UNC13B: variants seen among roughly 807,000 people sequenced by gnomAD.
The protein encoded by UNC13B is unc-13 homolog B, also known as protein unc-13 homolog B.
Under a neutral mutation model 211.0 loss-of-function variants are expected in UNC13B, and 144 were observed. That is an observed-to-expected ratio of 0.68 (90% CI 0.60 to 0.78). The LOEUF (loss-of-function observed/expected upper bound fraction) is 0.78. UNC13B is among the 30% of genes least tolerant of loss of function. The pLI is 0.00. For synonymous variants in UNC13B, 709 were observed against 725.8 expected (o/e 0.98, Z 0.37); for missense variants, 1,777 against 2,002.0 (o/e 0.89, Z 2.14).
intron 24 of UNC13B, among the ~76,000 whole-genome samples, chr9:35,387,433 G>C (rs368410074): frequency 2.6e-5 from 4 of 152,074 alleles, no homozygotes; most frequent in South Asian, 2.1e-4. Flanking sequence ...TGTATTTAAG[G>C]CTTCTTCCTT....
chr9:35,333,876 C>G (rs1233073332), intron 11 of UNC13B, among the ~76,000 whole-genome samples: 2 of 152,148 alleles, frequency 1.3e-5, no homozygotes, highest in Non-Finnish European at 1.5e-5. Context: ...ATGCTGGAGG[C>G]AGGAGCTCTG....
chr9:35,244,026 T>C (rs557990882), intron 6 of UNC13B, among the ~76,000 whole-genome samples: 2 of 152,216 alleles, frequency 1.3e-5, no homozygotes, highest in South Asian at 4.1e-4. Flanking sequence ...TAGGGAGCTG[T>C]AGGCATAGAG....
At position 35,223,328 on chromosome 9, in the gene UNC13B, T is replaced by C. The variant is rs1228980365; in HGVS notation, c.23-4687T>C. On this transcript the variant is annotated intron_variant, in intron 1 of 39. Coordinates refer to ENST00000635942, the MANE Select transcript of UNC13B (RefSeq NM_001371189.2). ...TCCTGTCCACAGTGTATATGAGTTC[T>C]CTTTTCTCTCCATCCAGGCCAGCAT... Among the ~76,000 whole-genome samples the C allele has an allele frequency of 7.2e-5, 11 of 152,206 alleles. 1 individual carries two copies. Among genetic ancestry groups the C allele is most frequent in the Admixed American group, 7.2e-4 (11 of 15,282 alleles).
chr9:35,303,219 C>G lies in UNC13B; in HGVS notation c.3815C>G (p.Ser1272Cys). 1 of 398,554 alleles carries G rather than the reference C, an allele frequency of 2.5e-6. No individual in the cohort carries two copies. The allele number at this position is 398,554 out of a possible 1,614,324, so 24.7% of individuals were successfully genotyped here. The change falls in exon 9 of 40, where the codon TCC becomes TGC. Residue 1272 changes from serine to cysteine, a missense_variant. Ser to Cys is a moderately radical substitution (Grantham distance 112). Transcript: ENST00000635942. ...GCTGGGGATGATAATCATTATTGTT[C>G]CCCTACAGAGAAAAACCAGCAAAGT... ...SDAGDDNHYC[S>C]PTEKNQQSEK...
At chr9:35,351,740 G>A (rs999010823) in intron 11 of UNC13B, 13 of 1,232,144 alleles carry the variant, frequency 1.1e-5, no homozygotes, top group Non-Finnish European at 1.2e-5. Flanking sequence ...TGGGGACCTG[G>A]CCCAGCTTTG....
rs375685578 is a variant in UNC13B at position 35,375,167 on chromosome 9, T to C, written c.9581T>C (p.Met3194Thr). The C allele has an allele frequency of 3.8e-5, 62 of 1,614,070 alleles. No homozygotes were observed. The highest frequency in any genetic ancestry group is 4.9e-5 in the Non-Finnish European group (58 of 1,180,000). Residue 3194 changes from methionine to threonine, a missense_variant, in exon 14 of 40, where the codon ATG (methionine) becomes ACG (threonine). Transcript: ENST00000635942. ...CGGAAGGCAGGAATCACTTCTGCAATGGCTACACGCACTTCTCTTAAGGAC... is the reference window on the plus strand; with the variant it reads ...CGGAAGGCAGGAATCACTTCTGCAACGGCTACACGCACTTCTCTTAAGGAC... ...QSRKAGITSA[M>T]ATRTSLKDEE...
intron 11 of UNC13B, among the ~76,000 whole-genome samples, chr9:35,348,655 G>A (rs542420062): frequency 6.6e-6 from 1 of 152,322 alleles, no homozygotes; most frequent in South Asian, 2.1e-4. Flanking sequence ...TGCCACATCA[G>A]TAGCAATAAC....
chr9:35,187,025 G>T (rs889746266), intron 1 of UNC13B, among the ~76,000 whole-genome samples: 6 of 152,062 alleles, frequency 3.9e-5, no homozygotes, highest in Non-Finnish European at 7.3e-5. Flanking sequence ...CTGCTATTAG[G>T]ATAATAATTA....
chr9:35,397,656 C>G lies in UNC13B; in HGVS notation c.11698C>G (p.Gln3900Glu). The G allele has an allele frequency of 6.2e-7, 1 of 1,613,898 alleles. No individual in the cohort carries two copies. The highest frequency in any genetic ancestry group is 8.5e-7 in the Non-Finnish European group (1 of 1,179,938). ...FAKTIGKVLM[Q>E]YADILSKDFP... ...TCAGACCATCGGGAAGGTGCTGATG[C>G]AGTATGCAGACATCTTGTCAAAGGA... The change falls in exon 30 of 40, where the codon CAG (glutamine) becomes GAG (glutamate). Residue 3900 changes from glutamine (Q) to glutamate (E), a missense_variant. Transcript: ENST00000635942.
chr9:35,182,577 G>A (rs1261175604), intron 1 of UNC13B, among the ~76,000 whole-genome samples: 3 of 152,028 alleles, frequency 2.0e-5, no homozygotes, highest in Admixed American at 6.6e-5. Context: ...AGATAAACAC[G>A]TGAACAAAGG....
chr9:35,202,446 G>T (rs979844701), intron 1 of UNC13B, among the ~76,000 whole-genome samples: 7 of 152,090 alleles, frequency 4.6e-5, no homozygotes, highest in African/African-American at 1.7e-4. Flanking sequence ...GTTGACAGTG[G>T]GGTGTTAAAG....
chr9:35,367,004 C>A lies in UNC13B; in HGVS notation c.9461+11C>A. The A allele has an allele frequency of 6.2e-7, 1 of 1,611,938 alleles. No individual in the cohort carries two copies. The highest frequency in any genetic ancestry group is 2.2e-5 in the East Asian group (1 of 44,866). On this transcript the variant is annotated intron_variant, in intron 12 of 39. Coordinates refer to ENST00000635942, the MANE Select transcript of UNC13B (RefSeq NM_001371189.2). ...GTGGCTCCCGGAAGGGTAAGTAATTCACTGCAAGGTTTCTGTGGATTTTAT... is the reference window on the plus strand; with the variant it reads ...GTGGCTCCCGGAAGGGTAAGTAATTAACTGCAAGGTTTCTGTGGATTTTAT...
In UNC13B at chr9:35,295,883, C is replaced by T. The variant is rs35199210; in HGVS notation, c.714C>T (p.Asp238=). The change falls in exon 8 of 40, where the codon GAC becomes GAT. Residue 238 remains aspartate (D), a synonymous_variant. Coordinates refer to ENST00000635942, the MANE Select transcript of UNC13B (RefSeq NM_001371189.2). The stretch of plus-strand genomic sequence containing the variant: ...GCAGTTCCCGGGACTCTTGTAATGA[C>T]TCTATGCAAAGTTATGACCTTGATT... ...LQGSSRDSCN[D]SMQSYDLDYP... is the part of the protein sequence containing the mutation. 5 of 1,613,978 alleles carry T rather than the reference C, an allele frequency of 3.1e-6. No homozygotes were observed. The highest frequency in any genetic ancestry group is 4.2e-6 in the Non-Finnish European group (5 of 1,179,946).
chr9:35,397,498 C>A, intron 29 of UNC13B, 137 bp from the exon 30 acceptor site: 1 of 1,273,162 alleles, frequency 7.9e-7, no homozygotes. Context: ...TGAGAGAGAG[C>A]TTTCTCCTGT....
chr9:35,247,002 AT>A (rs1826141198), intron 6 of UNC13B, among the ~76,000 whole-genome samples: 1 of 152,118 alleles, frequency 6.6e-6, no homozygotes, highest in African/African-American at 2.4e-5. Context: ...ATGTTCTTCC[AT>A]TTGTTTATAT....
At chr9:35,215,701 A>C (rs1824212948) in intron 1 of UNC13B, among the ~76,000 whole-genome samples, 1 of 152,232 alleles carries the variant, frequency 6.6e-6, no homozygotes, top group Non-Finnish European at 1.5e-5. Flanking sequence ...GTACACCTGA[A>C]TATGCTATTG....
chr9:35,276,431 T>C (rs1022850098), intron 7 of UNC13B, among the ~76,000 whole-genome samples: 5 of 152,172 alleles, frequency 3.3e-5, no homozygotes, highest in East Asian at 3.8e-4. Flanking sequence ...TTCCTCTGTC[T>C]GCACTCACCC....
intron 1 of UNC13B, among the ~76,000 whole-genome samples, chr9:35,202,383 A>C (rs1309127731): frequency 6.6e-6 from 1 of 152,142 alleles, no homozygotes; most frequent in Non-Finnish European, 1.5e-5. Flanking sequence ...ATTCTTGGTG[A>C]GTTCAATTCC....
chr9:35,391,868 C>T (rs187764271), intron 26 of UNC13B, among the ~76,000 whole-genome samples: 1 of 152,340 alleles, frequency 6.6e-6, no homozygotes, highest in African/African-American at 2.4e-5. Flanking sequence ...CTCCAGGCCT[C>T]TTGCATGATG....
Sources: allele counts gnomAD v4.1 joint callset (sites outside exome capture counted in the v4.1 genomes callset), GRCh38; gene constraint gnomAD v4.1.1; transcripts MANE v1.5; gene names NCBI Gene and HGNC (gene_info 2026-07-23, HGNC 2026-07-21).